SUSD1: variants seen among roughly 807,000 people sequenced by gnomAD.
SUSD1 encodes sushi domain containing 1, also known as sushi domain-containing protein 1.
A neutral mutation model predicts 86.9 loss-of-function variants in SUSD1; 65 were observed. The ratio of observed to expected loss-of-function variants is 0.75; its 90% CI spans 0.61 to 0.92. SUSD1 has a LOEUF of 0.92. SUSD1 is among the 40% of genes least tolerant of loss of function. SUSD1 has a pLI of 0.00. For missense variants in SUSD1, 850 were observed against 929.7 expected (o/e 0.91, Z 1.11); for synonymous variants, 346 against 350.0 (o/e 0.99, Z 0.13).
At chr9:112,091,087 A>G (rs1162480486) in intron 10 of SUSD1, among the ~76,000 whole-genome samples, 2 of 152,218 alleles carry the variant, frequency 1.3e-5, no homozygotes, top group Non-Finnish European at 2.9e-5. Flanking sequence ...TACTCTCTCC[A>G]TACTTGGCAC....
At chr9:112,059,450 A>G (rs1428701807) in intron 13 of SUSD1, among the ~76,000 whole-genome samples, 1 of 152,228 alleles carries the variant, frequency 6.6e-6, no homozygotes, top group Non-Finnish European at 1.5e-5. Flanking sequence ...TCCGGAAAAA[A>G]GGCTGCAGAC....
intron 1 of SUSD1, among the ~76,000 whole-genome samples, chr9:112,171,168 T>C (rs1299043074): frequency 6.6e-6 from 1 of 152,154 alleles, no homozygotes; most frequent in African/African-American, 2.4e-5. Context: ...AAAAGCCAGA[T>C]ATGGCCCTCT....
chr9:112,158,935 T>C (rs978312487), intron 1 of SUSD1, among the ~76,000 whole-genome samples: 1 of 152,124 alleles, frequency 6.6e-6, no homozygotes, highest in African/African-American at 2.4e-5. Context: ...TCTGAAATCC[T>C]GCTTGCTGCA....
chr9:112,080,042 A>G (rs548531031), intron 11 of SUSD1, 32 bp downstream of exon 11: 2 of 1,508,692 alleles, frequency 1.3e-6, no homozygotes, highest in South Asian at 2.3e-5. Flanking sequence ...TAAGACAACC[A>G]TCTATAAATA....
chr9:112,109,811 C>G (rs187367299), intron 8 of SUSD1, among the ~76,000 whole-genome samples: 1 of 152,102 alleles, frequency 6.6e-6, no homozygotes, highest in Admixed American at 6.6e-5. Flanking sequence ...TGATTAGTTA[C>G]CATATTAATT....
intron 6 of SUSD1, among the ~76,000 whole-genome samples, chr9:112,117,825 A>G (rs1006592969): frequency 1.3e-5 from 2 of 152,206 alleles, no homozygotes; most frequent in African/African-American, 4.8e-5. Flanking sequence ...ACAATGCTAA[A>G]TGTTGTGGAA....
chr9:112,151,853 G>A (rs144455148), intron 2 of SUSD1, among the ~76,000 whole-genome samples: 2,105 of 151,616 alleles, frequency 0.014, 46 homozygotes, highest in African/African-American at 0.049. Flanking sequence ...GCCTCAACAT[G>A]GAGAAACCCC....
chr9:112,139,903 C>A (rs1359700940), intron 5 of SUSD1, among the ~76,000 whole-genome samples: 2 of 151,698 alleles, frequency 1.3e-5, no homozygotes, highest in Non-Finnish European at 1.5e-5. Context: ...GAAACAGGCA[C>A]ATAAAATGAT....
At chr9:112,142,608 A>G (rs1832628176) in intron 4 of SUSD1, 109 bp from the exon 5 acceptor site, 11 of 1,011,498 alleles carry the variant, frequency 1.1e-5, no homozygotes, top group Non-Finnish European at 1.4e-5. Flanking sequence ...CCCCCGAGCC[A>G]TATTTTAAGT....
intron 13 of SUSD1, among the ~76,000 whole-genome samples, chr9:112,060,422 C>T (rs747737984): frequency 7.9e-5 from 12 of 152,178 alleles, no homozygotes; most frequent in Non-Finnish European, 1.3e-4. Flanking sequence ...CCACTATGCC[C>T]GGTTAATTTT....
intron 5 of SUSD1, among the ~76,000 whole-genome samples, chr9:112,136,203 T>C (rs537847849): frequency 1.3e-5 from 2 of 152,150 alleles, no homozygotes; most frequent in Admixed American, 1.3e-4. Flanking sequence ...CCAGAAAATG[T>C]ATTTAATTGT....
intron 3 of SUSD1, among the ~76,000 whole-genome samples, chr9:112,144,659 A>T (rs1832730717): frequency 6.6e-6 from 1 of 152,192 alleles, no homozygotes; most frequent in African/African-American, 2.4e-5. Context: ...TAAGGAAAAC[A>T]ATCTCCAGGA....
chr9:112,095,951 C>T (rs533055929), intron 10 of SUSD1, among the ~76,000 whole-genome samples: 7 of 152,214 alleles, frequency 4.6e-5, no homozygotes, highest in South Asian at 4.2e-4. Flanking sequence ...ATCTTTGGAA[C>T]GGGCATCAAG....
chr9:112,053,104 C>T (rs751907032), intron 14 of SUSD1, among the ~76,000 whole-genome samples: 21 of 152,194 alleles, frequency 1.4e-4, no homozygotes, highest in Non-Finnish European at 2.2e-4. Context: ...GGAAGCTGCA[C>T]GGTGAGGGTT....
intron 12 of SUSD1, among the ~76,000 whole-genome samples, chr9:112,067,892 T>C (rs1359195640): frequency 6.6e-6 from 1 of 152,126 alleles, no homozygotes; most frequent in Non-Finnish European, 1.5e-5. Flanking sequence ...AAGACTGTAT[T>C]TACCAGATTA....
chr9:112,098,530 T>C lies in SUSD1; in HGVS notation c.1414A>G (p.Thr472Ala). ...YPTTDYTVNV[T>A]LLRSPKRHSV... ...TGCCGCTTAGGAGATCTCAGCAGGG[T>C]CACATTCACCGTATAATCAGTCGTA... Residue 472 changes from threonine to alanine, a missense_variant, in exon 10 of 17, where the codon ACC (threonine) becomes GCC (alanine). Physicochemically the swap from Thr to Ala is moderately conservative, Grantham distance 58 (BLOSUM62 0). Coordinates refer to ENST00000374270, the MANE Select transcript of SUSD1 (RefSeq NM_022486.5). The C allele has an allele frequency of 6.2e-7, 1 of 1,614,156 alleles. No homozygotes were observed. Among genetic ancestry groups the C allele is most frequent in the Non-Finnish European group, 8.5e-7 (1 of 1,180,024 alleles).
At chr9:112,171,816 T>C (rs556450623) in intron 1 of SUSD1, among the ~76,000 whole-genome samples, 4 of 152,350 alleles carry the variant, frequency 2.6e-5, no homozygotes, top group African/African-American at 9.6e-5. Flanking sequence ...TGTTTGAGTC[T>C]GTTTTGCATT....
chr9:112,071,994 G>A (rs1347933009), intron 12 of SUSD1, among the ~76,000 whole-genome samples: 1 of 152,150 alleles, frequency 6.6e-6, no homozygotes. Context: ...CCAAGGAGAA[G>A]AAACCAATTT....
intron 1 of SUSD1, among the ~76,000 whole-genome samples, chr9:112,173,075 C>T (rs888585284): frequency 6.6e-6 from 1 of 152,200 alleles, no homozygotes; most frequent in African/African-American, 2.4e-5. Flanking sequence ...TGGGATCATA[C>T]TGGACAGTTT....
Sources: gnomAD v4.1 joint callset for allele counts (sites outside exome capture counted in the v4.1 genomes callset) on GRCh38, gnomAD v4.1.1 for gene constraint, MANE v1.5 for transcripts, NCBI Gene and HGNC (gene_info 2026-07-23, HGNC 2026-07-21) for gene names.